ARHGAP44: variants seen among roughly 807,000 people sequenced by gnomAD.
The protein encoded by ARHGAP44 is rho GTPase-activating protein 44.
ARHGAP44 carries 43 observed loss-of-function variants against 106.8 expected under a neutral mutation model. That is an observed-to-expected ratio of 0.40 (90% CI 0.32 to 0.52). The LOEUF is 0.52. Among genes scored for constraint, ARHGAP44 ranks in the 20% least tolerant of loss-of-function variants. ARHGAP44 has a pLI of 0.48. For missense variants in ARHGAP44, 866 were observed against 1,050.5 expected (o/e 0.82, Z 2.43); for synonymous variants, 439 against 410.3 (o/e 1.07, Z -0.85).
At chr17:12,930,374 T>C (rs2038362759) in intron 7 of ARHGAP44, among the ~76,000 whole-genome samples, 1 of 151,940 alleles carries the variant, frequency 6.6e-6, no homozygotes, top group African/African-American at 2.4e-5. Context: ...GCTGGGATTA[T>C]AGGTGCACAC....
rs370926261 is a variant in ARHGAP44, at chr17:12,980,220, C to T, written c.1926C>T (p.His642=). ...AGCCGCCTGCAGACCAGAGTCCTCACACCCTCCGGAAAGGTATGGCCCTGC... is the reference window on the plus strand; with the variant it reads ...AGCCGCCTGCAGACCAGAGTCCTCATACCCTCCGGAAAGGTATGGCCCTGC... The part of the protein sequence containing the change: ...PSQPPADQSP[H]TLRKVSKKLA... The change falls in exon 19 of 21, where the codon CAC becomes CAT. Residue 642 remains histidine (H), a synonymous_variant. Transcript: ENST00000379672. 1.1e-4 allele frequency: 177 copies of T among 1,612,546 alleles called. No homozygotes were observed. The highest frequency in any genetic ancestry group is 1.4e-4 in the Non-Finnish European group (168 of 1,179,568).
intron 7 of ARHGAP44, among the ~76,000 whole-genome samples, chr17:12,933,122 T>C (rs905942854): frequency 1.3e-5 from 2 of 152,214 alleles, no homozygotes; most frequent in Non-Finnish European, 2.9e-5. Flanking sequence ...TTTTACTTTG[T>C]TGGTTGCCAA....
Position 12,818,345 on chromosome 17 carries a change from A to AC in ARHGAP44, c.53+28454_53+28455insC, listed in dbSNP as rs200403421. ...GGTGCATCTGGAAAAGAAAAAAAAA[A>AC]AAAAAAAACAACCCTACAACTCACA... On this transcript the variant is annotated intron_variant, in intron 1 of 20. Transcript: ENST00000379672. Among the ~76,000 whole-genome samples, 983 of 151,296 alleles carry AC rather than the reference A, an allele frequency of 6.5e-3. 21 individuals carry two copies. The highest frequency in any genetic ancestry group is 0.023 in the African/African-American group (937 of 41,280).
intron 1 of ARHGAP44, among the ~76,000 whole-genome samples, chr17:12,813,819 G>C (rs1379656778): frequency 6.6e-6 from 1 of 151,718 alleles, no homozygotes; most frequent in Non-Finnish European, 1.5e-5. Flanking sequence ...AACCATGTGG[G>C]CAAATTATTC....
rs184173733 is a variant in ARHGAP44 at position 12,899,877 on chromosome 17, A to C, written c.198+3366A>C. On this transcript the variant is annotated intron_variant, in intron 3 of 20. Transcript: ENST00000379672. ...GCTTTTTGTTATTTCTCTTTTAACA[A>C]GCTCAGTAGCTCTTTAGTCATGTGT... Among the ~76,000 whole-genome samples, 95 of 152,340 alleles carry C rather than the reference A, an allele frequency of 6.2e-4. No homozygotes were observed. In the South Asian group the frequency reaches 8.7e-3, roughly 14 times the overall value.
chr17:12,937,538 T>C (rs552825283), intron 7 of ARHGAP44, among the ~76,000 whole-genome samples: 57 of 152,344 alleles, frequency 3.7e-4, no homozygotes, highest in Non-Finnish European at 6.5e-4. Flanking sequence ...CAGTGAGTTA[T>C]AATTCTTGTG....
At chr17:12,798,491 C>G (rs1370597882) in intron 1 of ARHGAP44, among the ~76,000 whole-genome samples, 1 of 152,002 alleles carries the variant, frequency 6.6e-6, no homozygotes, top group East Asian at 1.9e-4. Flanking sequence ...CTTTTATGTT[C>G]CAGGCATCAT....
chr17:12,985,936 G>A (rs182068460), intron 20 of ARHGAP44: 2 of 152,244 alleles, frequency 1.3e-5, no homozygotes, highest in South Asian at 2.1e-4. Context: ...GCTGTCCTAG[G>A]ATGCACTGGG....
intron 16 of ARHGAP44, among the ~76,000 whole-genome samples, chr17:12,971,826 G>A (rs1016703401): frequency 6.6e-6 from 1 of 152,194 alleles, no homozygotes; most frequent in South Asian, 2.1e-4. Flanking sequence ...ACCAGCAATC[G>A]TACTAGACAT....
chr17:12,919,965 G>T, intron 6 of ARHGAP44, 134 bp downstream of exon 6: 1 of 674,650 alleles, frequency 1.5e-6, no homozygotes, highest in Non-Finnish European at 2.5e-6. Context: ...CCAGGCACTG[G>T]AGGTAGTCAC....
chr17:12,851,603 T>A (rs2035743069), intron 1 of ARHGAP44, among the ~76,000 whole-genome samples: 1 of 152,020 alleles, frequency 6.6e-6, no homozygotes, highest in Non-Finnish European at 1.5e-5. Flanking sequence ...CCCAGCTAAG[T>A]TGGTATTTTT....
chr17:12,941,038 A>T lies in ARHGAP44; in HGVS notation c.583-18A>T. On this transcript the variant is annotated intron_variant, in intron 7 of 20. Coordinates refer to ENST00000379672, the MANE Select transcript of ARHGAP44 (RefSeq NM_014859.6). ...TTGGTTTATGTTTTACCTTGGTTGT[A>T]TATTTTACCTTGCACAGGACCAGCT... The T allele has an allele frequency of 6.2e-7, 1 of 1,613,238 alleles. No individual in the cohort carries two copies. The highest frequency in any genetic ancestry group is 8.5e-7 in the Non-Finnish European group (1 of 1,179,366).
At chr17:12,804,641 A>G (rs1207196013) in intron 1 of ARHGAP44, among the ~76,000 whole-genome samples, 2 of 152,208 alleles carry the variant, frequency 1.3e-5, no homozygotes, top group Admixed American at 6.5e-5. Flanking sequence ...ATTGTTCTTC[A>G]ATGAAGTTCA....
chr17:12,952,390 T>A lies in ARHGAP44; in HGVS notation c.1056-111T>A, dbSNP rs9904367. ...ATTTTTAAATACTAGCTTGCTGATATGGTCAGTTACAGTGGTTGGTATCAA... is the reference window on the plus strand; with the variant it reads ...ATTTTTAAATACTAGCTTGCTGATAAGGTCAGTTACAGTGGTTGGTATCAA... On this transcript the variant is annotated intron_variant, in intron 12 of 20. Transcript: ENST00000379672. The A allele has an allele frequency of 1.1e-5, 9 of 841,722 alleles. No homozygotes were observed. In the African/African-American group the frequency reaches 1.5e-4, roughly 14 times the overall value. The allele number at this position is 841,722 out of a possible 1,614,324, so 52.1% of individuals were successfully genotyped here. A position where few individuals can be genotyped will look rare whatever the true frequency, so the allele number is the denominator to read the frequency against.
rs541059122 is a variant in ARHGAP44 at position 12,835,080 on chromosome 17, G to C, written c.53+45189G>C. Among the ~76,000 whole-genome samples the C allele has an allele frequency of 2.0e-5, 3 of 152,302 alleles. No homozygotes were observed. The East Asian group carries it at 5.8e-4, about 29-fold the overall frequency. On this transcript the variant is annotated intron_variant, in intron 1 of 20. Transcript: ENST00000379672. ...CGAATAATCTTGCATTAGAGAAATA[G>C]AGATTGTGTGTGATGTCGAGAAAGA... is the stretch of plus-strand genomic sequence containing the variant.
rs74253576 is a variant in ARHGAP44, at chr17:12,822,285, A to G, written c.53+32394A>G. 5.0e-3 allele frequency among the ~76,000 whole-genome samples: 765 copies of G among 152,312 alleles called. 26 individuals carry two copies. In the East Asian group the frequency reaches 0.071, roughly 14 times the overall value. On this transcript the variant is annotated intron_variant, in intron 1 of 20. Coordinates refer to ENST00000379672, the MANE Select transcript of ARHGAP44 (RefSeq NM_014859.6). The stretch of plus-strand genomic sequence containing the variant: ...GATATTTGAATTTCATGTAATTTTC[A>G]TTTGTCACAGAATATTTTTCCAGTC...
At chr17:12,937,587 T>G (rs1489666635) in intron 7 of ARHGAP44, among the ~76,000 whole-genome samples, 1 of 152,226 alleles carries the variant, frequency 6.6e-6, no homozygotes, top group East Asian at 1.9e-4. Flanking sequence ...GGCAGCAGTT[T>G]GCTCTGTGAA....
chr17:12,950,398 C>G (rs957514163), intron 12 of ARHGAP44, among the ~76,000 whole-genome samples: 10 of 152,180 alleles, frequency 6.6e-5, no homozygotes, highest in Admixed American at 4.6e-4. Flanking sequence ...AAGGGAGAGG[C>G]CGCAGCCCAA....
chr17:12,939,172 C>T (rs2038636859), intron 7 of ARHGAP44, among the ~76,000 whole-genome samples: 1 of 152,144 alleles, frequency 6.6e-6, no homozygotes, highest in South Asian at 2.1e-4. Flanking sequence ...TAAGGGACCT[C>T]AGGTGAAATG....
Sources: gnomAD v4.1 joint callset for allele counts (sites outside exome capture counted in the v4.1 genomes callset) on GRCh38, gnomAD v4.1.1 for gene constraint, MANE v1.5 for transcripts, NCBI Gene and HGNC (gene_info 2026-07-23, HGNC 2026-07-21) for gene names.